Variants in HIVEP1 observed in about 807,000 individuals in gnomAD.
HIVEP1 encodes HIVEP zinc finger 1, also known as zinc finger protein 40.
Under a neutral mutation model 180.0 loss-of-function variants are expected in HIVEP1, and 36 were observed. That is an observed-to-expected ratio of 0.20 (90% CI 0.15 to 0.26). HIVEP1 has a LOEUF of 0.26. Ranked by LOEUF, HIVEP1 falls within the 10% of genes least tolerant of loss-of-function variation. The pLI is 1.00. For missense variants in HIVEP1, 3,143 were observed against 3,268.7 expected, an observed-to-expected ratio of 0.96 and a Z score of 0.94; for synonymous variants, 1,239 against 1,239.0, an observed-to-expected ratio of 1.00 and a Z score of 0.00.
intron 7 of HIVEP1, among the ~76,000 whole-genome samples, chr6:12,144,411 T>G (rs1436268695): frequency 6.6e-6 from 1 of 152,170 alleles, no homozygotes; most frequent in Non-Finnish European, 1.5e-5. Context: ...ATGTTAGACC[T>G]AAAACCATAA....
chr6:12,150,940 G>C (rs3822925), intron 7 of HIVEP1, among the ~76,000 whole-genome samples: 1 of 151,956 alleles, frequency 6.6e-6, no homozygotes, highest in Non-Finnish European at 1.5e-5. Context: ...CTGAGTGTAC[G>C]TGGGCCAGGT....
Position 12,163,725 on chromosome 6 carries a change from T to C in HIVEP1, c.7421T>C (p.Val2474Ala). The C allele has an allele frequency of 5.0e-6, 8 of 1,614,116 alleles. No individual in the cohort carries two copies. The highest frequency in any genetic ancestry group is 5.9e-6 in the Non-Finnish European group (7 of 1,180,032). The change falls in exon 9 of 9, where the codon GTG becomes GCG. Residue 2474 changes from valine to alanine, a missense_variant. Val to Ala is a moderately conservative substitution (Grantham distance 64, BLOSUM62 0). Around this residue, in one of 12 missense-constraint regions of HIVEP1, gnomAD observed 595 missense variants for 602.2 expected, o/e 0.99. Coordinates refer to ENST00000379388, the MANE Select transcript of HIVEP1 (RefSeq NM_002114.4). Reference sequence around the variant, plus strand: ...TGTATTCCTATCGGCCAAATCCGCGTGCCAGGCCTTCAGAACCTAAGTACC... The same window carrying C: ...TGTATTCCTATCGGCCAAATCCGCGCGCCAGGCCTTCAGAACCTAAGTACC... The part of the protein sequence containing the change: ...VPCIPIGQIR[V>A]PGLQNLSTPG...
chr6:12,015,474 C>G, intron 1 of HIVEP1, 52 bp from the exon 2 acceptor site: 1 of 632,076 alleles, frequency 1.6e-6, no homozygotes, highest in Non-Finnish European at 2.8e-6. Flanking sequence ...TTTAAAGTAT[C>G]TTTCTCCTCT....
intron 2 of HIVEP1, among the ~76,000 whole-genome samples, chr6:12,058,525 C>T (rs915866744): frequency 6.6e-6 from 1 of 152,084 alleles, no homozygotes; most frequent in Admixed American, 6.6e-5. Flanking sequence ...ACAAATATTG[C>T]GTTAGATATT....
intron 2 of HIVEP1, among the ~76,000 whole-genome samples, chr6:12,027,223 A>T (rs1322060719): frequency 6.6e-6 from 1 of 152,216 alleles, no homozygotes; most frequent in Admixed American, 6.5e-5. Flanking sequence ...AATAAATGAG[A>T]ATGCTTTATC....
chr6:12,103,348 C>T (rs1774223121), intron 3 of HIVEP1, among the ~76,000 whole-genome samples: 1 of 152,104 alleles, frequency 6.6e-6, no homozygotes, highest in South Asian at 2.1e-4. Flanking sequence ...ATAATGAAGG[C>T]TCAATAATAG....
At chr6:12,017,879 C>A (rs756389144) in intron 2 of HIVEP1, among the ~76,000 whole-genome samples, 3 of 152,242 alleles carry the variant, frequency 2.0e-5, no homozygotes, top group Non-Finnish European at 2.9e-5. Context: ...CCAGTGGATC[C>A]CGCACTGGGG....
At chr6:12,194,938 G>A in the HIVEP1 span, among the ~76,000 whole-genome samples, 1 of 152,160 alleles carries the variant, frequency 6.6e-6, no homozygotes, top group Non-Finnish European at 1.5e-5. Context: ...ACACTGCCAG[G>A]GGAAGCTGGG....
intron 2 of HIVEP1, among the ~76,000 whole-genome samples, chr6:12,078,276 CTG>C (rs1772502416): frequency 1.3e-5 from 2 of 151,642 alleles, no homozygotes; most frequent in Non-Finnish European, 2.9e-5. Context: ...TCTCGGTGGT[CTG>C]TGTTTCGTTT....
At chr6:12,106,049 C>T (rs1272009406) in intron 3 of HIVEP1, among the ~76,000 whole-genome samples, 1 of 151,092 alleles carries the variant, frequency 6.6e-6, no homozygotes, top group East Asian at 1.9e-4. Context: ...CATATATATA[C>T]ACACACACAT....
intron 2 of HIVEP1, among the ~76,000 whole-genome samples, chr6:12,037,250 A>G (rs1023311560): frequency 1.3e-5 from 2 of 152,156 alleles, no homozygotes; most frequent in Non-Finnish European, 2.9e-5. Flanking sequence ...TTCAAAGTTC[A>G]GTATGTATTA....
intron 3 of HIVEP1, among the ~76,000 whole-genome samples, chr6:12,108,924 T>C (rs1774688130): frequency 6.6e-6 from 1 of 152,234 alleles, no homozygotes; most frequent in Non-Finnish European, 1.5e-5. Flanking sequence ...GCGAGGGCTC[T>C]CAGGACTGCC....
chr6:12,123,078 C>T lies in HIVEP1; in HGVS notation c.3283C>T (p.Leu1095Phe). ...ACAGTTGCAAAACTCCCATATTCAC[C>T]TTGTTGCCAGGGGCCCTGAGCAGAC... is the stretch of plus-strand genomic sequence containing the variant. ...NIQLQNSHIH[L>F]VARGPEQTMD... Residue 1095 changes from leucine to phenylalanine, a missense_variant, in exon 4 of 9, where the codon CTT (leucine) becomes TTT (phenylalanine). Around this residue, in one of 12 missense-constraint regions of HIVEP1, gnomAD observed 1,357 missense variants for 1,260.5 expected, o/e 1.08. Coordinates refer to ENST00000379388, the MANE Select transcript of HIVEP1 (RefSeq NM_002114.4). The T allele has an allele frequency of 6.2e-7, 1 of 1,614,166 alleles. No homozygotes were observed. The highest frequency in any genetic ancestry group is 8.5e-7 in the Non-Finnish European group (1 of 1,180,038).
Position 12,063,498 on chromosome 6 carries a change from A to G in HIVEP1, c.41-25686A>G, listed in dbSNP as rs1771371898. 6.6e-6 allele frequency among the ~76,000 whole-genome samples: 1 copy of G among 152,144 alleles called. No homozygotes were observed. The highest frequency in any genetic ancestry group is 6.5e-5 in the Admixed American group (1 of 15,272). On this transcript the variant is annotated intron_variant, in intron 2 of 8. Coordinates refer to ENST00000379388, the MANE Select transcript of HIVEP1 (RefSeq NM_002114.4). This position sits in a 1 kb window ranked among gnomAD's most constrained non-coding sequence, Gnocchi z 4.2. Reference sequence around the variant, plus strand: ...AAAGTGGGGAGGGAGGAGCTGGCTCATGTTGGCAGGTGTGGCTGCACGTGG... The same window carrying G: ...AAAGTGGGGAGGGAGGAGCTGGCTCGTGTTGGCAGGTGTGGCTGCACGTGG...
intron 3 of HIVEP1, among the ~76,000 whole-genome samples, chr6:12,105,067 A>C (rs1048249566): frequency 1.1e-4 from 17 of 152,246 alleles, no homozygotes; most frequent in African/African-American, 3.9e-4. Context: ...GCCTAAGTTG[A>C]CAATATCTTC....
chr6:12,123,038 G>A lies in HIVEP1; in HGVS notation c.3243G>A (p.Gln1081=). ...ATAATGTTACCATAAGAAGTGACCA[G>A]CAGCATAAAAATATACAGTTGCAAA... ...PKHNVTIRSD[Q]QHKNIQLQNS... is the part of the protein sequence containing the mutation. Residue 1081 remains glutamine, a synonymous_variant, in exon 4 of 9, where the codon CAG becomes CAA. Coordinates refer to ENST00000379388, the MANE Select transcript of HIVEP1 (RefSeq NM_002114.4). The A allele has an allele frequency of 1.9e-6, 3 of 1,614,166 alleles. No homozygotes were observed. The East Asian group carries it at 6.7e-5, about 36-fold the overall frequency.
intron 3 of HIVEP1, among the ~76,000 whole-genome samples, chr6:12,100,559 A>C (rs1406375545): frequency 6.6e-6 from 1 of 152,232 alleles, no homozygotes; most frequent in Admixed American, 6.5e-5. Context: ...CTTTCTTAGA[A>C]AAATCACTGA....
At chr6:12,073,948 G>A (rs935629339) in intron 2 of HIVEP1, among the ~76,000 whole-genome samples, 1 of 152,082 alleles carries the variant, frequency 6.6e-6, no homozygotes, top group Non-Finnish European at 1.5e-5. Context: ...AGAGGTCCCT[G>A]CACCACACAC....
chr6:12,131,070 T>C, intron 6 of HIVEP1, 128 bp downstream of exon 6: 1 of 562,284 alleles, frequency 1.8e-6, no homozygotes, highest in Admixed American at 2.9e-5. Context: ...TTACATCTTG[T>C]CAATGTTGTA....
Sources: gnomAD v4.1 joint callset for allele counts (sites outside exome capture counted in the v4.1 genomes callset) on GRCh38, gnomAD v4.1.1 for gene constraint, gnomAD v4.1.1 regional missense constraint, Gnocchi (gnomAD v3.1) non-coding constraint, MANE v1.5 for transcripts, NCBI Gene and HGNC (gene_info 2026-07-23, HGNC 2026-07-21) for gene names.